TIAM1: variants seen among roughly 807,000 people sequenced by gnomAD.
TIAM1 encodes rho guanine nucleotide exchange factor TIAM1.
In TIAM1, 65 loss-of-function variants were observed where a neutral mutation model predicts 163.5. The observed-to-expected ratio is 0.40, with a 90% CI of 0.33 to 0.49. The LOEUF is 0.49. TIAM1 is among the 20% of genes least tolerant of loss of function. The pLI, the probability that TIAM1 is intolerant of heterozygous loss-of-function variation, is 0.77. For missense variants in TIAM1, 1,789 were observed against 2,044.7 expected (o/e 0.87, Z 2.41); for synonymous variants, 833 against 810.1 (o/e 1.03, Z -0.48).
intron 13 of TIAM1, among the ~76,000 whole-genome samples, chr21:31,188,053 A>C (rs1483977050): frequency 2.0e-5 from 3 of 152,204 alleles, no homozygotes; most frequent in Admixed American, 2.0e-4. Flanking sequence ...TTGAAAAAAA[A>C]ACAAGCAGGC....
intron 1 of TIAM1, among the ~76,000 whole-genome samples, chr21:31,503,721 A>C (rs1428624562): frequency 1.3e-5 from 2 of 151,182 alleles, no homozygotes; most frequent in Non-Finnish European, 2.9e-5. Context: ...ACAGTGGCTG[A>C]CAGTGTCAGG....
chr21:31,199,737 G>A (rs2086096427), intron 12 of TIAM1, among the ~76,000 whole-genome samples: 1 of 150,482 alleles, frequency 6.6e-6, no homozygotes, highest in Non-Finnish European at 1.5e-5. Context: ...CAGCATGTTG[G>A]CCAAGCTGGT....
intron 14 of TIAM1, among the ~76,000 whole-genome samples, chr21:31,184,852 A>T (rs2085203634): frequency 6.6e-6 from 1 of 152,180 alleles, no homozygotes; most frequent in African/African-American, 2.4e-5. Flanking sequence ...CAGATAAATT[A>T]TCCTGACTTT....
intron 2 of TIAM1, among the ~76,000 whole-genome samples, chr21:31,293,247 G>A (rs2074101783): frequency 6.6e-6 from 1 of 152,158 alleles, no homozygotes; most frequent in Admixed American, 6.5e-5. Context: ...GCATCTGGAG[G>A]CAGAACTTCT....
intron 15 of TIAM1, among the ~76,000 whole-genome samples, chr21:31,175,596 C>T (rs1330117257): frequency 6.6e-6 from 1 of 151,744 alleles, no homozygotes; most frequent in Admixed American, 6.6e-5. Flanking sequence ...TCAATAAATG[C>T]TTTATAAAAC....
chr21:31,417,740 C>A (rs528156139), intron 2 of TIAM1, among the ~76,000 whole-genome samples: 5 of 152,140 alleles, frequency 3.3e-5, no homozygotes, highest in African/African-American at 9.7e-5. Context: ...CCTGTGCAGT[C>A]AGGGACATGG....
intron 2 of TIAM1, among the ~76,000 whole-genome samples, chr21:31,444,974 G>A (rs1003504392): frequency 1.3e-5 from 2 of 151,506 alleles, no homozygotes; most frequent in African/African-American, 4.9e-5. Context: ...CTTCAGCCTG[G>A]GCAACAAGAG....
chr21:31,218,373 G>C (rs1021072619), intron 8 of TIAM1, among the ~76,000 whole-genome samples: 1 of 152,068 alleles, frequency 6.6e-6, no homozygotes, highest in African/African-American at 2.4e-5. Context: ...TTCGAGACCA[G>C]CCTGGCCAAC....
At chr21:31,492,791 A>G (rs2046513621) in intron 1 of TIAM1, among the ~76,000 whole-genome samples, 1 of 91,432 alleles carries the variant, frequency 1.1e-5, no homozygotes, top group Non-Finnish European at 2.1e-5. Flanking sequence ...ACACACACAC[A>G]CACACACACA....
At chr21:31,371,598 GAT>G (rs2076597203) in intron 2 of TIAM1, among the ~76,000 whole-genome samples, 1 of 152,156 alleles carries the variant, frequency 6.6e-6, no homozygotes, top group Non-Finnish European at 1.5e-5. Context: ...TCTAGAAAAA[GAT>G]AGATTTTCAA....
chr21:31,147,881 C>T (rs1194965528), intron 19 of TIAM1, among the ~76,000 whole-genome samples: 2 of 145,110 alleles, frequency 1.4e-5, no homozygotes, highest in African/African-American at 5.1e-5. Context: ...CTTATTGAGG[C>T]TTAGAATTAA....
intron 2 of TIAM1, among the ~76,000 whole-genome samples, chr21:31,280,668 A>C (rs917653935): frequency 1.3e-5 from 2 of 152,224 alleles, no homozygotes; most frequent in African/African-American, 2.4e-5. Flanking sequence ...GGGGCTGAGA[A>C]GTCCCACTGC....
At chr21:31,294,436 T>C (rs1203549779) in intron 2 of TIAM1, among the ~76,000 whole-genome samples, 1 of 152,146 alleles carries the variant, frequency 6.6e-6, no homozygotes, top group Non-Finnish European at 1.5e-5. Context: ...AGCAGGGAGT[T>C]TGAATTTTCA....
chr21:31,228,219 TTAAAAAAAAAAAAAAA>T (rs1569068419), intron 6 of TIAM1, among the ~76,000 whole-genome samples: 47 of 17,624 alleles, frequency 2.7e-3, no homozygotes, highest in Middle Eastern at 0.031. Flanking sequence ...CCTCCTTTTT[TTAAAAAAAAAAAAAAA>T]AAAAAAAAAA....
intron 2 of TIAM1, among the ~76,000 whole-genome samples, chr21:31,350,383 G>A (rs1413414210): frequency 6.6e-6 from 1 of 152,128 alleles, no homozygotes; most frequent in Non-Finnish European, 1.5e-5. Context: ...GCAGGGAGTG[G>A]AGAATGACGC....
intron 10 of TIAM1, among the ~76,000 whole-genome samples, chr21:31,212,119 G>A (rs1209124655): frequency 6.6e-6 from 1 of 152,168 alleles, no homozygotes; most frequent in Admixed American, 6.5e-5. Context: ...GGCCATGGAT[G>A]AGTATTTCCA....
chr21:31,528,994 T>G (rs1211649263), intron 1 of TIAM1, among the ~76,000 whole-genome samples: 1 of 147,492 alleles, frequency 6.8e-6, no homozygotes, highest in East Asian at 2.1e-4. Context: ...CGATCTCAGC[T>G]CACTACAAGC....
In TIAM1 at chr21:31,245,505, C is replaced by T; in HGVS notation, c.1567G>A (p.Asp523Asn). ...CAACAAACCTGAAAAAGGAAGGCAT[C>T]ACCCAGGGAATTGCTGAGGCAGAAG... ...FVFCLSNSLG[D>N]AFLFQTTSQT... The change falls in exon 6 of 28, where the codon GAT becomes AAT. Residue 523 changes from aspartate to asparagine, a missense_variant. Around this residue, in one of 5 missense-constraint regions of TIAM1, gnomAD observed 456 missense variants for 586.6 expected, o/e 0.78. Transcript: ENST00000541036. 1.3e-6 allele frequency: 2 copies of T among 1,516,964 alleles called. No individual in the cohort carries two copies. Among genetic ancestry groups the T allele is most frequent in the South Asian group, 1.3e-5 (1 of 76,474 alleles). 94.0% of individuals were successfully genotyped at this position (1,516,964 alleles called of 1,614,324 possible).
At chr21:31,417,485 A>G (rs1402519657) in intron 2 of TIAM1, among the ~76,000 whole-genome samples, 5 of 152,200 alleles carry the variant, frequency 3.3e-5, no homozygotes, top group Admixed American at 2.0e-4. Flanking sequence ...TTATAAAAAC[A>G]TCAGATCTCA....
Sources: gnomAD v4.1 joint callset for allele counts (sites outside exome capture counted in the v4.1 genomes callset) on GRCh38, gnomAD v4.1.1 for gene constraint, gnomAD v4.1.1 regional missense constraint, MANE v1.5 for transcripts, NCBI Gene and HGNC (gene_info 2026-07-23, HGNC 2026-07-21) for gene names.